Variants in CROCC observed in about 807,000 individuals in gnomAD.
The protein encoded by CROCC is rootletin.
Under a neutral mutation model 245.2 loss-of-function variants are expected in CROCC, and 180 were observed. That is an observed-to-expected ratio of 0.73 (90% CI 0.65 to 0.83). The LOEUF is 0.83. Ranked by LOEUF, CROCC falls within the 40% of genes least tolerant of loss-of-function variation. The pLI, the probability that CROCC is intolerant of heterozygous loss-of-function variation, is 0.00. For missense variants in CROCC, 2,688 were observed against 2,779.4 expected (o/e 0.97, Z 0.74); for synonymous variants, 1,205 against 1,241.6 (o/e 0.97, Z 0.62).
At chr1:16,948,194 T>C in intron 17 of CROCC, 137 bp from the exon 18 acceptor site, 1 of 1,405,770 alleles carries the variant, frequency 7.1e-7, no homozygotes, top group South Asian at 1.5e-5. Flanking sequence ...CCCAAGTACA[T>C]GTAGCACATC....
chr1:16,961,698 G>A (rs924290993), intron 27 of CROCC, among the ~76,000 whole-genome samples: 1 of 152,116 alleles, frequency 6.6e-6, no homozygotes, highest in Non-Finnish European at 1.5e-5. Context: ...GGCAGCCTGT[G>A]CCTCCTGGGC....
At chr1:16,928,176 G>C (rs986573111) in intron 3 of CROCC, among the ~76,000 whole-genome samples, 6 of 152,294 alleles carry the variant, frequency 3.9e-5, no homozygotes, top group African/African-American at 1.4e-4. Flanking sequence ...TAGCAGGCCA[G>C]GTCCTGAGGA....
chr1:16,969,645 G>A (rs1430148883), intron 32 of CROCC, 140 bp from the exon 33 acceptor site: 4 of 1,236,744 alleles, frequency 3.2e-6, no homozygotes, highest in African/African-American at 1.5e-5. Context: ...ATAGGCCGTG[G>A]ATGGGTTTGG....
intron 13 of CROCC, among the ~76,000 whole-genome samples, chr1:16,941,986 G>A (rs114551289): frequency 5.3e-3 from 807 of 152,154 alleles, no homozygotes; most frequent in Non-Finnish European, 9.0e-3. Context: ...AGAGGCATAA[G>A]CCACCATGCC....
chr1:16,946,510 T>G, intron 16 of CROCC, 105 bp downstream of exon 16: 1 of 1,454,058 alleles, frequency 6.9e-7, no homozygotes, highest in Non-Finnish European at 9.4e-7. Context: ...CTGCCTCCCT[T>G]TCTGTCCCTG....
Position 16,922,709 on chromosome 1 carries a change from G to C in CROCC, c.107G>C (p.Arg36Pro). ...VLCQEKGLGARDLAQDAQITS... is the reference protein window; with the variant it reads ...VLCQEKGLGAPDLAQDAQITS... ...TGCCAGGAGAAAGGCTTGGGCGCGC[G>C]GGACCTGGCCCAGGACGCTCAGATC... The change falls in exon 2 of 37, where the codon CGG becomes CCG. Residue 36 changes from arginine (R) to proline (P), a missense_variant. By Grantham distance (103) the Arg-to-Pro change is moderately radical. Coordinates refer to ENST00000375541, the MANE Select transcript of CROCC (RefSeq NM_014675.5). The C allele has an allele frequency of 6.2e-7, 1 of 1,613,716 alleles. No homozygotes were observed. Among genetic ancestry groups the C allele is most frequent in the East Asian group, 2.2e-5 (1 of 44,892 alleles).
intron 3 of CROCC, among the ~76,000 whole-genome samples, chr1:16,927,452 A>G (rs2075560711): frequency 6.6e-6 from 1 of 152,190 alleles, no homozygotes; most frequent in African/African-American, 2.4e-5. Context: ...AGACCCACCC[A>G]CATGCGGTTG....
chr1:16,945,592 G>A lies in CROCC; in HGVS notation c.2122G>A (p.Glu708Lys), dbSNP rs753765395. The A allele has an allele frequency of 1.1e-5, 18 of 1,612,314 alleles. No homozygotes were observed. The highest frequency in any genetic ancestry group is 8.9e-5 in the East Asian group (4 of 44,880). ...MLQAEKAEVA[E>K]ALTKAEAGRV... Reference sequence around the variant, plus strand: ...GCAGGCCGAGAAGGCCGAGGTGGCCGAGGCGCTGACCAAGGTGGGTCCCTG... The same window carrying A: ...GCAGGCCGAGAAGGCCGAGGTGGCCAAGGCGCTGACCAAGGTGGGTCCCTG... The change falls in exon 15 of 37, where the codon GAG becomes AAG. Residue 708 changes from glutamate (E) to lysine (K), a missense_variant. Glu to Lys is a moderately conservative substitution (Grantham distance 56). Transcript: ENST00000375541.
Position 16,955,296 on chromosome 1 carries a change from CCTG to C in CROCC, c.3466-12_3466-10del. On this transcript the variant is annotated splice_polypyrimidine_tract_variant and intron_variant, in intron 23 of 36. Coordinates refer to ENST00000375541, the MANE Select transcript of CROCC (RefSeq NM_014675.5). Reference sequence around the variant, plus strand: ...GTCCCTGACCGCTGCCCTGGGGACACCTGCTGTGCTCACAGGCAGAAGAGCTTC... The same window carrying C: ...GTCCCTGACCGCTGCCCTGGGGACACCTGTGCTCACAGGCAGAAGAGCTTC... The C allele has an allele frequency of 1.2e-6, 2 of 1,604,900 alleles. No homozygotes were observed. Among genetic ancestry groups the C allele is most frequent in the Non-Finnish European group, 1.7e-6 (2 of 1,178,750 alleles).
intron 3 of CROCC, among the ~76,000 whole-genome samples, chr1:16,925,488 C>G (rs1259523342): frequency 6.6e-6 from 1 of 152,262 alleles, no homozygotes; most frequent in East Asian, 1.9e-4. Context: ...AGTCTAGAAA[C>G]AAAGTTCTGA....
In CROCC at chr1:16,954,984, T is replaced by G. The variant is rs1214210958; in HGVS notation, c.3465+107T>G. On this transcript the variant is annotated intron_variant, in intron 23 of 36. Coordinates refer to ENST00000375541, the MANE Select transcript of CROCC (RefSeq NM_014675.5). This position sits in a 1 kb window ranked among gnomAD's most constrained non-coding sequence, Gnocchi z 4.4. ...AAGAGTGTAAGATTCCTCCCTGCATTTGAGGACCAATGAATAGCAACTTAG... is the reference window on the plus strand; with the variant it reads ...AAGAGTGTAAGATTCCTCCCTGCATGTGAGGACCAATGAATAGCAACTTAG... 2 of 1,331,482 alleles carry G rather than the reference T, an allele frequency of 1.5e-6. No individual in the cohort carries two copies. Among genetic ancestry groups the G allele is most frequent in the Non-Finnish European group, 2.0e-6 (2 of 1,001,120 alleles). 82.5% of individuals were successfully genotyped at this position (1,331,482 alleles called of 1,614,324 possible).
chr1:16,947,468 CAATAAT>C lies in CROCC; in HGVS notation c.2514+505_2514+510del, dbSNP rs71006403. Among the ~76,000 whole-genome samples the C allele has an allele frequency of 9.0e-4, 132 of 147,478 alleles. No homozygotes were observed. In the Middle Eastern group the frequency reaches 0.014, roughly 16 times the overall value. ...TGGGCAACAGAGCAAGACTCCGTCT[CAATAAT>C]AATAATAATAATAATAATAATAATA... On this transcript the variant is annotated intron_variant, in intron 17 of 36. Transcript: ENST00000375541.
intron 17 of CROCC, among the ~76,000 whole-genome samples, chr1:16,947,537 T>C (rs2076077380): frequency 6.6e-6 from 1 of 152,026 alleles, no homozygotes; most frequent in Non-Finnish European, 1.5e-5. Flanking sequence ...CTTTTTAGAA[T>C]TGGAATCTTA....
intron 20 of CROCC, 150 bp downstream of exon 20, chr1:16,951,272 G>A (rs75438995): frequency 6.2e-4 from 419 of 672,058 alleles, no homozygotes; most frequent in Non-Finnish European, 7.8e-4. Context: ...GGGATGGGGA[G>A]GTTGTGGTTC....
rs779198582 is a variant in CROCC at position 16,936,816 on chromosome 1, A to G, written c.1136A>G (p.Lys379Arg). Residue 379 changes from lysine to arginine, a missense_variant, in exon 9 of 37, where the codon AAG becomes AGG. Physicochemically the swap from Lys to Arg is conservative, Grantham distance 26. Coordinates refer to ENST00000375541, the MANE Select transcript of CROCC (RefSeq NM_014675.5). The stretch of plus-strand genomic sequence containing the variant: ...CTGCGGGACAAGGTGCTCCGCGAGA[A>G]GGACCTGGCGCAGCAGCAGATGCAA... ...EQLRDKVLRE[K>R]DLAQQQMQSD... The G allele has an allele frequency of 2.1e-5, 34 of 1,612,214 alleles. No homozygotes were observed. Among genetic ancestry groups the G allele is most frequent in the Non-Finnish European group, 2.8e-5 (33 of 1,179,844 alleles).
In CROCC at chr1:16,958,744, G is replaced by T; in HGVS notation, c.4026G>T (p.Arg1342=). 2 of 1,559,042 alleles carry T rather than the reference G, an allele frequency of 1.3e-6. No individual in the cohort carries two copies. The highest frequency in any genetic ancestry group is 2.7e-5 in the African/African-American group (2 of 73,880). The change falls in exon 26 of 37, where the codon CGG becomes CGT. Residue 1342 remains arginine (R), a synonymous_variant. Coordinates refer to ENST00000375541, the MANE Select transcript of CROCC (RefSeq NM_014675.5). The stretch of plus-strand genomic sequence containing the variant: ...GCGAGGCCAGCCTGGAGGTGATGCG[G>T]CAGGAGGTAACTGAGCAGGCGGGCA... The part of the protein sequence containing the change: ...LKGEASLEVM[R]QELQVAQRKL...
intron 8 of CROCC, among the ~76,000 whole-genome samples, chr1:16,935,240 AT>A (rs1557592959): frequency 6.6e-6 from 1 of 152,214 alleles, no homozygotes; most frequent in Non-Finnish European, 1.5e-5. Flanking sequence ...ATCTTACATA[AT>A]CAAATAAAGC....
intron 8 of CROCC, among the ~76,000 whole-genome samples, chr1:16,935,532 TGCCTCAGCCTCC>T (rs1367501300): frequency 6.6e-6 from 1 of 152,272 alleles, no homozygotes; most frequent in Non-Finnish European, 1.5e-5. Flanking sequence ...GCCATTCTCC[TGCCTCAGCCTCC>T]CGAGTAGCTG....
chr1:16,940,988 C>G (rs1418598150), intron 13 of CROCC: 1 of 332,970 alleles, frequency 3.0e-6, no homozygotes, highest in Non-Finnish European at 6.1e-6. Context: ...CTGGGCAACT[C>G]TGATCTCAGC....
Sources: gnomAD v4.1 joint callset for allele counts (sites outside exome capture counted in the v4.1 genomes callset) on GRCh38, gnomAD v4.1.1 for gene constraint, Gnocchi (gnomAD v3.1) non-coding constraint, MANE v1.5 for transcripts, NCBI Gene and HGNC (gene_info 2026-07-23, HGNC 2026-07-21) for gene names.